The following CNTNAP5 variants were observed in gnomAD, a reference collection of about 807,000 sequenced individuals.
CNTNAP5 encodes contactin associated protein family member 5.
Under a neutral mutation model 150.2 loss-of-function variants are expected in CNTNAP5, and 72 were observed. The ratio of observed to expected loss-of-function variants is 0.48; its 90% CI spans 0.40 to 0.58. The LOEUF is 0.58. Ranked by LOEUF, CNTNAP5 falls within the 20% of genes least tolerant of loss-of-function variation. The pLI, the probability that CNTNAP5 is intolerant of heterozygous loss-of-function variation, is 0.00. For missense variants in CNTNAP5, 1,636 were observed against 1,626.2 expected (o/e 1.01, Z -0.10); for synonymous variants, 672 against 619.8 (o/e 1.08, Z -1.25).
rs1206894877 is a variant in CNTNAP5, at chr2:124,759,362, AT to A, written c.2235-4308del. Among the ~76,000 whole-genome samples, 4 of 146,792 alleles carry A rather than the reference AT, an allele frequency of 2.7e-5. No homozygotes were observed. In the South Asian group the frequency reaches 6.3e-4, roughly 23 times the overall value. On this transcript the variant is annotated intron_variant, in intron 14 of 23. Transcript: ENST00000682447. ...ATATATATACATTATATATATATTCATTATATATATTTATTATATATATATA... is the reference window on the plus strand; with the variant it reads ...ATATATATACATTATATATATATTCATATATATATTTATTATATATATATA...
intron 3 of CNTNAP5, among the ~76,000 whole-genome samples, chr2:124,244,374 G>C (rs529922482): frequency 2.0e-5 from 3 of 152,118 alleles, no homozygotes; most frequent in Non-Finnish European, 4.4e-5. Context: ...GAGAACTGCA[G>C]AATTACTAGG....
chr2:124,557,010 C>T (rs77905810), intron 10 of CNTNAP5, among the ~76,000 whole-genome samples: 60 of 149,690 alleles, frequency 4.0e-4, no homozygotes, highest in African/African-American at 1.3e-3. Flanking sequence ...CCTTCCCCCC[C>T]GCTCAAAAAA....
At chr2:124,785,008 C>G (rs1417714466) in intron 17 of CNTNAP5, among the ~76,000 whole-genome samples, 2 of 132,766 alleles carry the variant, frequency 1.5e-5, no homozygotes, top group Non-Finnish European at 3.1e-5. Context: ...AGGCATTGCT[C>G]TGGTCCTCAA....
At chr2:124,375,554 T>C (rs906311018) in intron 3 of CNTNAP5, among the ~76,000 whole-genome samples, 3 of 152,060 alleles carry the variant, frequency 2.0e-5, no homozygotes, top group Admixed American at 2.0e-4. Flanking sequence ...TAATGCAATA[T>C]GAGATTATGG....
chr2:124,387,361 T>A (rs1366531312), intron 3 of CNTNAP5, among the ~76,000 whole-genome samples: 3 of 152,348 alleles, frequency 2.0e-5, no homozygotes, highest in African/African-American at 7.2e-5. Flanking sequence ...GAGATCAAAG[T>A]TTCATGCGCG....
At chr2:124,506,951 A>G (rs1005747766) in intron 8 of CNTNAP5, among the ~76,000 whole-genome samples, 1 of 152,104 alleles carries the variant, frequency 6.6e-6, no homozygotes, top group Non-Finnish European at 1.5e-5. Flanking sequence ...GGAAGTTTAC[A>G]TTTTTACCCT....
intron 19 of CNTNAP5, among the ~76,000 whole-genome samples, chr2:124,815,945 T>C (rs1682352879): frequency 1.3e-5 from 2 of 152,202 alleles, no homozygotes; most frequent in Non-Finnish European, 2.9e-5. Context: ...GGGACCACTA[T>C]AAACTTAAAA....
intron 8 of CNTNAP5, among the ~76,000 whole-genome samples, chr2:124,523,461 T>C (rs576452676): frequency 6.6e-6 from 1 of 152,300 alleles, no homozygotes; most frequent in Non-Finnish European, 1.5e-5. Context: ...TAATAGATGA[T>C]AAACTCTTTA....
chr2:124,031,902 T>A (rs1465382770), intron 1 of CNTNAP5, among the ~76,000 whole-genome samples: 1 of 152,174 alleles, frequency 6.6e-6, no homozygotes, highest in East Asian at 1.9e-4. Flanking sequence ...ATTCCATGAA[T>A]CCTATGTCAT....
chr2:124,558,764 C>T (rs964792070), intron 10 of CNTNAP5, among the ~76,000 whole-genome samples: 4 of 152,154 alleles, frequency 2.6e-5, no homozygotes, highest in Admixed American at 6.5e-5. Context: ...AGCTAAGTTA[C>T]AGAGAAATAA....
intron 3 of CNTNAP5, among the ~76,000 whole-genome samples, chr2:124,354,475 T>G (rs1473221736): frequency 1.3e-5 from 2 of 152,136 alleles, no homozygotes; most frequent in Non-Finnish European, 2.9e-5. Context: ...GGGCAGATAT[T>G]TTTAGTAGTT....
intron 13 of CNTNAP5, among the ~76,000 whole-genome samples, chr2:124,661,361 C>CT (rs547019427): frequency 6.6e-6 from 1 of 151,960 alleles, no homozygotes; most frequent in Non-Finnish European, 1.5e-5. Context: ...TACTTTGAAA[C>CT]TTTTTTTGTT....
At chr2:124,639,013 C>T (rs146645532) in intron 12 of CNTNAP5, among the ~76,000 whole-genome samples, 1 of 152,310 alleles carries the variant, frequency 6.6e-6, no homozygotes, top group Non-Finnish European at 1.5e-5. Context: ...TGTATCTAAA[C>T]ATCCTTTCCC....
At chr2:124,801,623 T>C (rs890861827) in intron 19 of CNTNAP5, among the ~76,000 whole-genome samples, 1 of 152,174 alleles carries the variant, frequency 6.6e-6, no homozygotes, top group Non-Finnish European at 1.5e-5. Context: ...TCTTGTGTAG[T>C]CTTACATTAA....
At chr2:124,620,477 TC>T (rs1050940561) in intron 12 of CNTNAP5, among the ~76,000 whole-genome samples, 5 of 152,162 alleles carry the variant, frequency 3.3e-5, no homozygotes, top group Admixed American at 6.6e-5. Flanking sequence ...AGTTGCTGTT[TC>T]CTTCAAACAT....
intron 19 of CNTNAP5, among the ~76,000 whole-genome samples, chr2:124,821,033 T>G (rs906059360): frequency 1.6e-4 from 25 of 152,338 alleles, no homozygotes; most frequent in African/African-American, 6.0e-4. Flanking sequence ...TGGAGGGTTA[T>G]TCCCAACATC....
At chr2:124,171,587 T>G (rs1051578276) in intron 1 of CNTNAP5, among the ~76,000 whole-genome samples, 1 of 152,206 alleles carries the variant, frequency 6.6e-6, no homozygotes, top group Non-Finnish European at 1.5e-5. Flanking sequence ...ATTTCTGTCT[T>G]TAACTCAGAC....
intron 13 of CNTNAP5, among the ~76,000 whole-genome samples, chr2:124,676,673 G>A (rs1443023331): frequency 6.6e-6 from 1 of 152,180 alleles, no homozygotes; most frequent in African/African-American, 2.4e-5. Flanking sequence ...TTGCATAGCT[G>A]TTAGGCTACT....
chr2:124,735,513 G>C (rs1573582060), intron 13 of CNTNAP5, among the ~76,000 whole-genome samples: 1 of 151,924 alleles, frequency 6.6e-6, no homozygotes, highest in East Asian at 1.9e-4. Flanking sequence ...ATATATTTGG[G>C]AATATCCCCA....
Sources: gnomAD v4.1 joint callset for allele counts (sites outside exome capture counted in the v4.1 genomes callset) on GRCh38, gnomAD v4.1.1 for gene constraint, MANE v1.5 for transcripts, NCBI Gene and HGNC (gene_info 2026-07-23, HGNC 2026-07-21) for gene names.